Variants in CNTN5 observed in about 807,000 individuals in gnomAD.
CNTN5 encodes contactin-5.
Under a neutral mutation model 129.1 loss-of-function variants are expected in CNTN5, and 77 were observed. The ratio of observed to expected loss-of-function variants is 0.60; its 90% CI spans 0.50 to 0.72. The LOEUF is 0.72. CNTN5 is among the 30% of genes least tolerant of loss of function. The probability of loss-of-function intolerance (pLI) is 0.00; values close to 1 mark genes in which losing one functional copy is unlikely to be tolerated. For synonymous variants in CNTN5, 509 were observed against 465.6 expected (o/e 1.09, Z -1.20); for missense variants, 1,478 against 1,328.8 (o/e 1.11, Z -1.75).
intron 3 of CNTN5, among the ~76,000 whole-genome samples, chr11:99,665,366 A>G (rs1952747037): frequency 6.6e-6 from 1 of 152,158 alleles, no homozygotes; most frequent in Non-Finnish European, 1.5e-5. Flanking sequence ...GGAGAAACGT[A>G]ACCAGAGAGC....
intron 15 of CNTN5, among the ~76,000 whole-genome samples, chr11:100,196,819 A>T (rs1489858046): frequency 6.6e-6 from 1 of 151,910 alleles, no homozygotes; most frequent in African/African-American, 2.4e-5. Flanking sequence ...TTTTTTTGGC[A>T]AATTTTATGA....
intron 3 of CNTN5, among the ~76,000 whole-genome samples, chr11:99,746,524 G>A (rs1944061589): frequency 6.6e-6 from 1 of 152,156 alleles, no homozygotes; most frequent in Admixed American, 6.5e-5. Flanking sequence ...AGACAAGCAA[G>A]CATTACTGCC....
intron 13 of CNTN5, among the ~76,000 whole-genome samples, chr11:100,118,376 T>C (rs1221063846): frequency 6.6e-6 from 1 of 151,864 alleles, no homozygotes; most frequent in African/African-American, 2.4e-5. Flanking sequence ...TGAAAGGCAG[T>C]ACTGCTCGTT....
intron 2 of CNTN5, among the ~76,000 whole-genome samples, chr11:99,451,032 T>C (rs2135191813): frequency 6.6e-6 from 1 of 152,150 alleles, no homozygotes; most frequent in South Asian, 2.1e-4. Context: ...TCCGACACAG[T>C]TTCAGACATT....
At chr11:99,030,192 GT>G (rs202066307) in intron 1 of CNTN5, among the ~76,000 whole-genome samples, 3 of 151,088 alleles carry the variant, frequency 2.0e-5, no homozygotes, top group African/African-American at 7.3e-5. Flanking sequence ...CTAACTCATA[GT>G]TTTTTTTTGC....
At chr11:99,861,447 A>G (rs1050526594) in intron 6 of CNTN5, among the ~76,000 whole-genome samples, 25 of 152,200 alleles carry the variant, frequency 1.6e-4, no homozygotes, top group African/African-American at 6.0e-4. Context: ...ATGCCGATAC[A>G]ATGATACAAA....
intron 16 of CNTN5, among the ~76,000 whole-genome samples, chr11:100,248,997 C>G (rs1949906946): frequency 6.6e-6 from 1 of 152,140 alleles, no homozygotes; most frequent in African/African-American, 2.4e-5. Context: ...AGCAAGAAGA[C>G]TCTTTTTGCC....
chr11:99,694,778 G>A (rs772721375), intron 3 of CNTN5, among the ~76,000 whole-genome samples: 1 of 151,926 alleles, frequency 6.6e-6, no homozygotes, highest in Non-Finnish European at 1.5e-5. Context: ...GCGGTGTTTG[G>A]TTTTCTGTTC....
At chr11:99,948,439 A>G (rs904340533) in intron 7 of CNTN5, among the ~76,000 whole-genome samples, 5 of 152,202 alleles carry the variant, frequency 3.3e-5, no homozygotes, top group Non-Finnish European at 5.9e-5. Context: ...GTTAATAGAA[A>G]TAATCACCAG....
chr11:99,793,937 T>G (rs1157900831), intron 3 of CNTN5, among the ~76,000 whole-genome samples: 1 of 152,210 alleles, frequency 6.6e-6, no homozygotes, highest in Admixed American at 6.5e-5. Context: ...TTCCATTAAC[T>G]CAAGTGTTGA....
At chr11:100,113,501 A>G (rs1214040228) in intron 13 of CNTN5, among the ~76,000 whole-genome samples, 2 of 151,006 alleles carry the variant, frequency 1.3e-5, no homozygotes, top group Non-Finnish European at 3.0e-5. Flanking sequence ...ACAAGCAAAC[A>G]AACAAACAAA....
At chr11:99,272,642 G>A (rs1863229628) in intron 1 of CNTN5, among the ~76,000 whole-genome samples, 1 of 150,846 alleles carries the variant, frequency 6.6e-6, no homozygotes, top group African/African-American at 2.4e-5. Context: ...ACATAACATG[G>A]GAACTATGGT....
chr11:100,329,565 G>T (rs145096097), intron 21 of CNTN5, among the ~76,000 whole-genome samples: 166 of 152,296 alleles, frequency 1.1e-3, no homozygotes, highest in African/African-American at 3.8e-3. Context: ...GACCTTCACA[G>T]TGTCCACTTC....
At chr11:99,900,465 A>G (rs905759028) in intron 6 of CNTN5, among the ~76,000 whole-genome samples, 1 of 152,064 alleles carries the variant, frequency 6.6e-6, no homozygotes, top group Non-Finnish European at 1.5e-5. Context: ...TATAAACTTT[A>G]ATGCTATAAA....
At chr11:99,085,946 A>G (rs1257258294) in intron 1 of CNTN5, among the ~76,000 whole-genome samples, 1 of 152,158 alleles carries the variant, frequency 6.6e-6, no homozygotes, top group South Asian at 2.1e-4. Flanking sequence ...TAATCCCTGC[A>G]GTATTCAGAA....
Position 99,552,200 on chromosome 11 carries a change from C to G in CNTN5, c.-70-3945C>G, listed in dbSNP as rs186310394. Among the ~76,000 whole-genome samples, 1,065 of 148,708 alleles carry G rather than the reference C, an allele frequency of 7.2e-3. 10 individuals are homozygous for G. Among genetic ancestry groups the G allele is most frequent in the Admixed American group, 0.014 (215 of 14,996 alleles). On this transcript the variant is annotated intron_variant, in intron 2 of 24. Coordinates refer to ENST00000524871, the MANE Select transcript of CNTN5 (RefSeq NM_014361.4). ...GGGATTACAGACATGAGCTACGCAC[C>G]TGGTCAGTTTTTGTGTTTTTTTTTT...
intron 8 of CNTN5, among the ~76,000 whole-genome samples, chr11:99,984,183 G>T (rs769614047): frequency 6.6e-6 from 1 of 151,920 alleles, no homozygotes; most frequent in African/African-American, 2.4e-5. Context: ...AGTCTGAGTC[G>T]AGAGAATCGC....
intron 3 of CNTN5, among the ~76,000 whole-genome samples, chr11:99,588,938 T>G (rs1461364124): frequency 1.3e-5 from 2 of 152,150 alleles, no homozygotes; most frequent in African/African-American, 4.8e-5. Flanking sequence ...TTATATGAAG[T>G]AATTAGTTTT....
intron 13 of CNTN5, among the ~76,000 whole-genome samples, chr11:100,139,284 A>G (rs1361705623): frequency 2.0e-5 from 3 of 152,174 alleles, no homozygotes; most frequent in African/African-American, 7.2e-5. Context: ...AAATTGTAGA[A>G]GTACCACACT....
Sources: gnomAD v4.1 joint callset for allele counts (sites outside exome capture counted in the v4.1 genomes callset) on GRCh38, gnomAD v4.1.1 for gene constraint, MANE v1.5 for transcripts, NCBI Gene and HGNC (gene_info 2026-07-23, HGNC 2026-07-21) for gene names.